SLC1A2: variants seen among roughly 807,000 people sequenced by gnomAD.
SLC1A2 encodes solute carrier family 1 member 2.
In SLC1A2, 15 loss-of-function variants were observed where a neutral mutation model predicts 48.8. The ratio of observed to expected loss-of-function variants is 0.31; its 90% CI spans 0.21 to 0.47. The LOEUF is 0.47. Among genes scored for constraint, SLC1A2 ranks in the 20% least tolerant of loss-of-function variants. SLC1A2 has a pLI of 0.99. For synonymous variants in SLC1A2, 279 were observed against 272.6 expected, an observed-to-expected ratio of 1.02 and a Z score of -0.23; for missense variants, 502 against 730.5, an observed-to-expected ratio of 0.69 and a Z score of 3.61.
rs549868369 is a variant in SLC1A2 at position 35,363,519 on chromosome 11, C to A, written c.18-46003G>T. ...ATGCCTTCAGATCTCTCCAGGCTGT[C>A]AAATTCCAGGATACAAGTTCCCCCA... On this transcript the variant is annotated intron_variant, in intron 1 of 10. Coordinates refer to ENST00000278379, the MANE Select transcript of SLC1A2 (RefSeq NM_004171.4). Among the ~76,000 whole-genome samples the A allele has an allele frequency of 2.6e-5, 4 of 152,256 alleles. No homozygotes were observed. The East Asian group carries it at 7.7e-4, about 29-fold the overall frequency.
At chr11:35,274,404 C>A (rs927623418) in intron 9 of SLC1A2, among the ~76,000 whole-genome samples, 1 of 151,936 alleles carries the variant, frequency 6.6e-6, no homozygotes, top group Non-Finnish European at 1.5e-5. Flanking sequence ...TTGATGTAGA[C>A]CGGAGATAAG....
chr11:35,385,781 T>A (rs1483932219), intron 1 of SLC1A2, among the ~76,000 whole-genome samples: 1 of 152,206 alleles, frequency 6.6e-6, no homozygotes, highest in African/African-American at 2.4e-5. Context: ...CTGCAGGTTC[T>A]CTGGGTGAAA....
intron 1 of SLC1A2, among the ~76,000 whole-genome samples, chr11:35,411,448 T>G (rs768796181): frequency 6.6e-6 from 1 of 152,222 alleles, no homozygotes; most frequent in Non-Finnish European, 1.5e-5. Flanking sequence ...CTTTCTTAAT[T>G]AATTTTTTTA....
At chr11:35,289,769 T>C (rs1850937375) in intron 7 of SLC1A2, among the ~76,000 whole-genome samples, 3 of 152,340 alleles carry the variant, frequency 2.0e-5, no homozygotes, top group Admixed American at 6.5e-5. Flanking sequence ...TATTGATAGC[T>C]TTGACTAAGT....
chr11:35,281,090 G>A, intron 8 of SLC1A2, 89 bp from the exon 9 acceptor site: 1 of 1,434,958 alleles, frequency 7.0e-7, no homozygotes, highest in Middle Eastern at 2.3e-4. Context: ...TTTTCCTGCA[G>A]CCATAAAATT....
At chr11:35,274,773 T>C (rs1376222652) in intron 9 of SLC1A2, among the ~76,000 whole-genome samples, 1 of 152,236 alleles carries the variant, frequency 6.6e-6, no homozygotes, top group Non-Finnish European at 1.5e-5. Context: ...ATTAGTTGCT[T>C]CATAATCTGC....
chr11:35,267,763 T>C (rs1417290318), intron 9 of SLC1A2, among the ~76,000 whole-genome samples: 1 of 136,270 alleles, frequency 7.3e-6, no homozygotes, highest in Non-Finnish European at 1.6e-5. Flanking sequence ...CAATTTACTA[T>C]GTCAAATGGG....
intron 9 of SLC1A2, among the ~76,000 whole-genome samples, chr11:35,268,677 A>G (rs1850178082): frequency 6.6e-6 from 1 of 151,796 alleles, no homozygotes; most frequent in Admixed American, 6.6e-5. Context: ...AAAAAAAAAG[A>G]AAGAAAGAAA....
At chr11:35,360,166 C>T in intron 1 of SLC1A2, 1 of 811,616 alleles carries the variant, frequency 1.2e-6, no homozygotes, top group Non-Finnish European at 1.5e-6. Context: ...TTTACCTACC[C>T]AGTGTTTTGA....
chr11:35,341,330 A>G (rs1176515734), intron 1 of SLC1A2, among the ~76,000 whole-genome samples: 1 of 152,194 alleles, frequency 6.6e-6, no homozygotes, highest in Admixed American at 6.5e-5. Context: ...ACTACCTACC[A>G]ATACTAATAA....
intron 9 of SLC1A2, among the ~76,000 whole-genome samples, chr11:35,275,579 G>GT (rs1337238886): frequency 1.3e-5 from 2 of 152,176 alleles, no homozygotes; most frequent in African/African-American, 4.8e-5. Context: ...CAGAATCTTG[G>GT]TTTTCACCAT....
chr11:35,259,756 C>T lies in SLC1A2; in HGVS notation c.*1138G>A, dbSNP rs565220270. 6.6e-4 allele frequency: 100 copies of T among 152,326 alleles called. No homozygotes were observed. The highest frequency in any genetic ancestry group is 2.3e-3 in the African/African-American group (97 of 41,566). 9.4% of individuals were successfully genotyped at this position (152,326 alleles called of 1,614,324 possible). ...AGACTGGCTCTGCTTCCAACTGTGT[C>T]CTATAACTGGTTTTATGTGCTTTGA... On this transcript the variant is annotated 3_prime_UTR_variant, in exon 11 of 11. Coordinates refer to ENST00000278379, the MANE Select transcript of SLC1A2 (RefSeq NM_004171.4).
rs112422910 is a variant in SLC1A2 at position 35,324,325 on chromosome 11, T to C, written c.18-6809A>G. The stretch of plus-strand genomic sequence containing the variant: ...TGATGAGTAACTGTCAGAAGACAAG[T>C]TGGTGGAATGCAATCACATAATTAC... On this transcript the variant is annotated intron_variant, in intron 1 of 10. Coordinates refer to ENST00000278379, the MANE Select transcript of SLC1A2 (RefSeq NM_004171.4). 4.8e-3 allele frequency among the ~76,000 whole-genome samples: 727 copies of C among 152,280 alleles called. 11 individuals carry two copies. The highest frequency in any genetic ancestry group is 0.016 in the African/African-American group (662 of 41,554).
intron 1 of SLC1A2, among the ~76,000 whole-genome samples, chr11:35,348,581 C>T (rs1853123489): frequency 6.6e-6 from 1 of 152,026 alleles, no homozygotes; most frequent in Non-Finnish European, 1.5e-5. Context: ...TGTAGGCACA[C>T]ATCAGCACTA....
intron 1 of SLC1A2, among the ~76,000 whole-genome samples, chr11:35,321,995 A>C (rs1242495052): frequency 1.3e-5 from 2 of 152,060 alleles, no homozygotes; most frequent in African/African-American, 4.8e-5. Flanking sequence ...GCAATGCCTT[A>C]ATGTTGGAAG....
At chr11:35,335,887 T>C (rs1852613405) in intron 1 of SLC1A2, among the ~76,000 whole-genome samples, 1 of 152,166 alleles carries the variant, frequency 6.6e-6, no homozygotes, top group Admixed American at 6.5e-5. Context: ...AAAAATGTTG[T>C]TAAAAATCTG....
At chr11:35,396,788 C>T (rs1411498750) in intron 1 of SLC1A2, among the ~76,000 whole-genome samples, 3 of 152,268 alleles carry the variant, frequency 2.0e-5, no homozygotes, top group African/African-American at 7.2e-5. Context: ...CCCATTGTCT[C>T]AGCCCAAAAT....
In SLC1A2 at chr11:35,306,258, A is replaced by T; in HGVS notation, c.562-16T>A. 6.3e-7 allele frequency: 1 copy of T among 1,595,404 alleles called. No individual in the cohort carries two copies. The highest frequency in any genetic ancestry group is 8.6e-7 in the Non-Finnish European group (1 of 1,167,070). On this transcript the variant is annotated splice_polypyrimidine_tract_variant and intron_variant, in intron 4 of 10. Coordinates refer to ENST00000278379, the MANE Select transcript of SLC1A2 (RefSeq NM_004171.4). ...CTGTTTGAATCTAACAGAGTGAGGG[A>T]AAAAAGGCATAGAGCTGAGATTTGG...
intron 10 of SLC1A2, chr11:35,263,971 A>C (rs1471946389): frequency 1.3e-5 from 2 of 152,238 alleles, no homozygotes; most frequent in Non-Finnish European, 2.9e-5. Flanking sequence ...TGTTGATTCA[A>C]ACTAACATTT....
Sources: allele counts gnomAD v4.1 joint callset (sites outside exome capture counted in the v4.1 genomes callset), GRCh38; gene constraint gnomAD v4.1.1; transcripts MANE v1.5; gene names NCBI Gene and HGNC (gene_info 2026-07-23, HGNC 2026-07-21).